MCC: variants seen among roughly 807,000 people sequenced by gnomAD.
MCC encodes MCC regulator of Wnt signaling pathway.
Under a neutral mutation model 116.2 loss-of-function variants are expected in MCC, and 90 were observed. That is an observed-to-expected ratio of 0.77 (90% confidence interval 0.65 to 0.92). The LOEUF (loss-of-function observed/expected upper bound fraction) is 0.92, where lower values mean the gene tolerates loss of function less well. Ranked by LOEUF, MCC falls within the 40% of genes least tolerant of loss-of-function variation. The pLI is 0.00. For missense variants in MCC, 1,516 were observed against 1,312.2 expected (o/e 1.16, Z -2.40); for synonymous variants, 578 against 510.5 (o/e 1.13, Z -1.78).
intron 3 of MCC, among the ~76,000 whole-genome samples, chr5:113,329,330 A>G (rs1767639220): frequency 6.6e-6 from 1 of 152,114 alleles, no homozygotes; most frequent in Non-Finnish European, 1.5e-5. Flanking sequence ...GAAGAAGAGC[A>G]TCTTATCTCC....
rs531179508 is a variant in MCC, at chr5:113,268,971, A to G, written c.627+71548T>C. Among the ~76,000 whole-genome samples the G allele has an allele frequency of 7.6e-4, 116 of 152,274 alleles. 1 individual carries two copies. Among genetic ancestry groups the G allele is most frequent in the Middle Eastern group, 3.4e-3 (1 of 294 alleles). On this transcript the variant is annotated intron_variant, in intron 3 of 18. Transcript: ENST00000408903. ...ATAAAAGCTAGGCTTTTTTTTCTTA[A>G]AGGTGAGAATGCAGTAGAGAAGCAA...
At chr5:113,059,839 G>A (rs1434463692) in intron 14 of MCC, among the ~76,000 whole-genome samples, 1 of 152,274 alleles carries the variant, frequency 6.6e-6, no homozygotes, top group Middle Eastern at 3.4e-3. Context: ...GGGACGGTTC[G>A]GGCCGACCCA....
rs371652495 is a variant in MCC at position 113,343,800 on chromosome 5, A to C, written c.416-3070T>G. On this transcript the variant is annotated intron_variant, in intron 2 of 18. Transcript: ENST00000408903. Reference sequence around the variant, plus strand: ...TAAGTCAAAATAAATTATACATTTAAACTTTTTCTTTATGCAAACATGAAG... The same window carrying C: ...TAAGTCAAAATAAATTATACATTTACACTTTTTCTTTATGCAAACATGAAG... Among the ~76,000 whole-genome samples, 67 of 152,348 alleles carry C rather than the reference A, an allele frequency of 4.4e-4. 1 individual carries two copies. The highest frequency in any genetic ancestry group is 3.3e-3 in the East Asian group (17 of 5,190).
rs897665882 is a variant in MCC at position 113,025,609 on chromosome 5, A to T, written c.*1693T>A. 3 of 151,874 alleles carry T rather than the reference A, an allele frequency of 2.0e-5. No individual in the cohort carries two copies. Among genetic ancestry groups the T allele is most frequent in the Non-Finnish European group, 2.9e-5 (2 of 68,032 alleles). The allele number at this position is 151,874 out of a possible 1,614,324, so 9.4% of individuals were successfully genotyped here. On this transcript the variant is annotated 3_prime_UTR_variant, in exon 19 of 19. Coordinates refer to ENST00000408903, the MANE Select transcript of MCC (RefSeq NM_001085377.2). ...CTCCATCTCAAAAAAAAAAAAAAAAAATCACAGGAACTAACTTTGACCAAA... is the reference window on the plus strand; with the variant it reads ...CTCCATCTCAAAAAAAAAAAAAAAATATCACAGGAACTAACTTTGACCAAA...
At chr5:113,154,994 T>C (rs557610760) in intron 3 of MCC, among the ~76,000 whole-genome samples, 2 of 152,240 alleles carry the variant, frequency 1.3e-5, no homozygotes, top group South Asian at 4.2e-4. Flanking sequence ...TAACTGCATG[T>C]TTTTACCCAT....
At position 113,467,640 on chromosome 5, in the gene MCC, T is replaced by C. The variant is rs1197518023; in HGVS notation, c.170+20605A>G. Among the ~76,000 whole-genome samples the C allele has an allele frequency of 3.3e-5, 5 of 152,206 alleles. No homozygotes were observed. In the East Asian group the frequency reaches 7.7e-4, roughly 23 times the overall value. ...CGTGATGCTTCCAGCTTTGTTCTTT[T>C]GGCTTAGGATTGACTTGGCGACACG... On this transcript the variant is annotated intron_variant, in intron 1 of 18. Transcript: ENST00000408903.
chr5:113,173,013 G>C (rs1761152278), intron 3 of MCC, among the ~76,000 whole-genome samples: 1 of 152,038 alleles, frequency 6.6e-6, no homozygotes, highest in Non-Finnish European at 1.5e-5. Context: ...TGTTTTGATA[G>C]GATGATTTTT....
intron 3 of MCC, among the ~76,000 whole-genome samples, chr5:113,229,832 C>T (rs552006933): frequency 6.6e-6 from 1 of 152,364 alleles, no homozygotes; most frequent in Non-Finnish European, 1.5e-5. Context: ...ATAGGAGCAA[C>T]AGGCTACACC....
At chr5:113,310,910 T>C (rs1194391446) in intron 3 of MCC, among the ~76,000 whole-genome samples, 2 of 152,234 alleles carry the variant, frequency 1.3e-5, no homozygotes, top group East Asian at 1.9e-4. Context: ...TAAAAAAATA[T>C]TTATCACCCA....
At chr5:113,044,356 G>A (rs1029489625) in intron 16 of MCC, 2 of 360,320 alleles carry the variant, frequency 5.6e-6, no homozygotes, top group African/African-American at 4.4e-5. Context: ...TTAAGAGCCA[G>A]TGCTCCAAAT....
chr5:113,202,990 G>T (rs1441832487), intron 3 of MCC, among the ~76,000 whole-genome samples: 4 of 152,060 alleles, frequency 2.6e-5, no homozygotes, highest in Non-Finnish European at 5.9e-5. Context: ...CCAGTAAAGC[G>T]CATACAATTT....
At chr5:113,217,749 G>A (rs1432165278) in intron 3 of MCC, among the ~76,000 whole-genome samples, 4 of 152,090 alleles carry the variant, frequency 2.6e-5, no homozygotes, top group African/African-American at 7.2e-5. Context: ...GGGTGCTGTC[G>A]TTTATCTTTT....
In MCC at chr5:113,064,140, G is replaced by A. The variant is rs756543284; in HGVS notation, c.2057C>T (p.Thr686Ile). The A allele has an allele frequency of 6.2e-7, 1 of 1,613,406 alleles. No individual in the cohort carries two copies. The highest frequency in any genetic ancestry group is 1.1e-5 in the South Asian group (1 of 90,952). The change falls in exon 14 of 19, where the codon ACT (threonine) becomes ATT (isoleucine). Residue 686 changes from threonine to isoleucine, a missense_variant. Transcript: ENST00000408903. ...PGDQSGDENITQMLKRAHDCR... is the reference protein window; with the variant it reads ...PGDQSGDENIIQMLKRAHDCR... ...GTCATGAGCTCGCTTGAGCATCTGA[G>A]TGATGTTTTCATCCCCCGACTGGTC...
chr5:113,450,206 T>C (rs2150419706), intron 1 of MCC, among the ~76,000 whole-genome samples: 1 of 148,100 alleles, frequency 6.8e-6, no homozygotes, highest in Admixed American at 6.6e-5. Context: ...GAAACTGAGT[T>C]GGAGAGAAAT....
intron 1 of MCC, among the ~76,000 whole-genome samples, chr5:113,444,022 T>TG (rs1554084179): frequency 9.9e-5 from 15 of 151,664 alleles, no homozygotes; most frequent in African/African-American, 2.4e-4. Flanking sequence ...TGTGTGTGTG[T>TG]TTAGTAGAGA....
intron 2 of MCC, among the ~76,000 whole-genome samples, chr5:113,353,067 A>G (rs867522181): frequency 8.5e-5 from 13 of 152,130 alleles, no homozygotes; most frequent in African/African-American, 2.7e-4. Context: ...CACTGTGTCA[A>G]TGTCTCCTGG....
intron 2 of MCC, among the ~76,000 whole-genome samples, chr5:113,374,353 C>T (rs1768928405): frequency 6.6e-6 from 1 of 151,958 alleles, no homozygotes; most frequent in South Asian, 2.1e-4. Context: ...TTGTCTGGTA[C>T]TAAAACAATT....
chr5:113,075,335 C>T (rs946848748), intron 11 of MCC, among the ~76,000 whole-genome samples: 2 of 152,162 alleles, frequency 1.3e-5, no homozygotes, highest in Non-Finnish European at 2.9e-5. Flanking sequence ...CTGTGGGTTC[C>T]CGTGCATCCC....
chr5:113,059,698 T>G (rs1753084247), intron 14 of MCC, among the ~76,000 whole-genome samples: 1 of 152,222 alleles, frequency 6.6e-6, no homozygotes. Context: ...GGTTTCTCCT[T>G]TCCGTGATGC....
Sources: gnomAD v4.1 joint callset for allele counts (sites outside exome capture counted in the v4.1 genomes callset) on GRCh38, gnomAD v4.1.1 for gene constraint, MANE v1.5 for transcripts, NCBI Gene and HGNC (gene_info 2026-07-23, HGNC 2026-07-21) for gene names.